TACR3: variants seen among roughly 807,000 people sequenced by gnomAD.
TACR3 encodes tachykinin receptor 3.
Under a neutral mutation model 35.0 loss-of-function variants are expected in TACR3, and 34 were observed. The observed-to-expected ratio is 0.97, with a 90% CI of 0.74 to 1.30. TACR3 has a LOEUF of 1.30. Ranked by LOEUF, TACR3 falls within the 50% of genes most tolerant of loss-of-function variation. The pLI is 0.00. For synonymous variants in TACR3, 233 were observed against 221.1 expected, an observed-to-expected ratio of 1.05 and a Z score of -0.48; for missense variants, 558 against 591.7, an observed-to-expected ratio of 0.94 and a Z score of 0.59.
intron 1 of TACR3, among the ~76,000 whole-genome samples, chr4:103,685,864 C>T (rs1215675309): frequency 6.6e-6 from 1 of 152,118 alleles, no homozygotes; most frequent in Non-Finnish European, 1.5e-5. Context: ...TCCCCAGGTC[C>T]ACAGTGTGAA....
Position 103,707,038 on chromosome 4 carries a change from G to A in TACR3, c.548+12090C>T, listed in dbSNP as rs149874940. 5.1e-4 allele frequency among the ~76,000 whole-genome samples: 78 copies of A among 152,244 alleles called. 1 individual carries two copies. The highest frequency in any genetic ancestry group is 6.9e-4 in the Non-Finnish European group (47 of 68,018). Reference sequence around the variant, plus strand: ...TACATGTTTAGTACCTGAAAATGTCGTTCACTGAGTTCCACTCTGGTACCA... The same window carrying A: ...TACATGTTTAGTACCTGAAAATGTCATTCACTGAGTTCCACTCTGGTACCA... On this transcript the variant is annotated intron_variant, in intron 1 of 4. Transcript: ENST00000304883.
intron 3 of TACR3, among the ~76,000 whole-genome samples, chr4:103,592,857 T>C (rs1723924616): frequency 6.6e-6 from 1 of 152,116 alleles, no homozygotes; most frequent in African/African-American, 2.4e-5. Context: ...AGGCAAAGCA[T>C]GAAATGGATC....
chr4:103,709,294 T>G (rs1722881196), intron 1 of TACR3, among the ~76,000 whole-genome samples: 1 of 152,190 alleles, frequency 6.6e-6, no homozygotes, highest in Admixed American at 6.5e-5. Flanking sequence ...CCCATCAGAC[T>G]AACAGCGGAT....
chr4:103,600,440 T>G (rs1724168299), intron 3 of TACR3, among the ~76,000 whole-genome samples: 1 of 152,194 alleles, frequency 6.6e-6, no homozygotes, highest in Non-Finnish European at 1.5e-5. Context: ...TTTGAAGGGT[T>G]TTTTGTGTCT....
intron 4 of TACR3, 112 bp from the exon 5 acceptor site, chr4:103,590,106 T>A: frequency 7.2e-7 from 1 of 1,388,932 alleles, no homozygotes; most frequent in Non-Finnish European, 9.9e-7. Flanking sequence ...GTTTTTGAGT[T>A]TGGTTTTTAG....
intron 1 of TACR3, among the ~76,000 whole-genome samples, chr4:103,704,613 T>G (rs900055590): frequency 6.6e-6 from 1 of 152,156 alleles, no homozygotes; most frequent in Non-Finnish European, 1.5e-5. Flanking sequence ...TCACTCACTA[T>G]AGTAAGAACA....
At chr4:103,631,094 G>C (rs1481043303) in intron 3 of TACR3, among the ~76,000 whole-genome samples, 1 of 152,046 alleles carries the variant, frequency 6.6e-6, no homozygotes, top group African/African-American at 2.4e-5. Context: ...ACCAAACACG[G>C]CATGTTCTCA....
chr4:103,717,544 A>G (rs1167784115), intron 1 of TACR3, among the ~76,000 whole-genome samples: 1 of 152,204 alleles, frequency 6.6e-6, no homozygotes, highest in African/African-American at 2.4e-5. Context: ...TCCCCTTCAA[A>G]TTGAAATACA....
At position 103,658,389 on chromosome 4, in the gene TACR3, A is replaced by G. The variant is rs762563008; in HGVS notation, c.563T>C (p.Ile188Thr). ...AGACAGTCTGGGTTTCAAGGGATCAATAATAGCCATATACCTATATAAAAA... is the reference window on the plus strand; with the variant it reads ...AGACAGTCTGGGTTTCAAGGGATCAGTAATAGCCATATACCTATATAAAAA... ...AIAVDRYMAIIDPLKPRLSAT... is the reference protein window; with the variant it reads ...AIAVDRYMAITDPLKPRLSAT... Residue 188 changes from isoleucine to threonine, a missense_variant, in exon 2 of 5, where the codon ATT (isoleucine) becomes ACT (threonine). Coordinates refer to ENST00000304883, the MANE Select transcript of TACR3 (RefSeq NM_001059.3). 3 of 1,613,490 alleles carry G rather than the reference A, an allele frequency of 1.9e-6. No individual in the cohort carries two copies. Among genetic ancestry groups the G allele is most frequent in the African/African-American group, 1.3e-5 (1 of 74,922 alleles).
At chr4:103,621,378 G>A (rs1406144561) in intron 3 of TACR3, among the ~76,000 whole-genome samples, 6 of 152,148 alleles carry the variant, frequency 3.9e-5, no homozygotes, top group African/African-American at 1.4e-4. Context: ...GCCAATATGT[G>A]TTTACAGGTC....
chr4:103,688,051 T>C (rs977179452), intron 1 of TACR3, among the ~76,000 whole-genome samples: 7 of 152,070 alleles, frequency 4.6e-5, no homozygotes, highest in Admixed American at 1.3e-4. Context: ...AAAACAGAGA[T>C]ATAGATCAAT....
intron 3 of TACR3, among the ~76,000 whole-genome samples, chr4:103,642,352 G>A (rs1324651221): frequency 7.1e-6 from 1 of 141,078 alleles, no homozygotes; most frequent in African/African-American, 2.9e-5. Context: ...TAAAAAATGA[G>A]TAAAAATAGA....
In TACR3 at chr4:103,656,399, G is replaced by A. The variant is rs1391175696; in HGVS notation, c.738-55C>T. 1.0e-5 allele frequency: 16 copies of A among 1,550,674 alleles called. No individual in the cohort carries two copies. In the East Asian group the frequency reaches 3.6e-4, roughly 35 times the overall value. The stretch of plus-strand genomic sequence containing the variant: ...AGACCTTATTGGAATGAAATATTGG[G>A]GACTGAATTGGCTCAGCTTTAAATC... On this transcript the variant is annotated intron_variant, in intron 2 of 4. Coordinates refer to ENST00000304883, the MANE Select transcript of TACR3 (RefSeq NM_001059.3).
At chr4:103,686,240 G>A (rs899111080) in intron 1 of TACR3, among the ~76,000 whole-genome samples, 1 of 152,160 alleles carries the variant, frequency 6.6e-6, no homozygotes, top group Non-Finnish European at 1.5e-5. Flanking sequence ...GGATGAATGT[G>A]AGGCAGACTT....
chr4:103,631,916 A>G (rs1476790652), intron 3 of TACR3, among the ~76,000 whole-genome samples: 2 of 152,198 alleles, frequency 1.3e-5, no homozygotes, highest in Non-Finnish European at 1.5e-5. Flanking sequence ...TATCATTTCA[A>G]TTCAACCTAT....
chr4:103,603,045 G>C (rs755429106), intron 3 of TACR3, among the ~76,000 whole-genome samples: 1 of 152,234 alleles, frequency 6.6e-6, no homozygotes, highest in African/African-American at 2.4e-5. Context: ...TGCCCAGTTC[G>C]AGCTTCCTGT....
At chr4:103,665,740 A>G (rs1196696978) in intron 1 of TACR3, among the ~76,000 whole-genome samples, 1 of 152,160 alleles carries the variant, frequency 6.6e-6, no homozygotes, top group Non-Finnish European at 1.5e-5. Flanking sequence ...TTGGGGCTTT[A>G]GTGTGATGGC....
chr4:103,610,508 C>T (rs1051936373), intron 3 of TACR3, among the ~76,000 whole-genome samples: 2 of 151,820 alleles, frequency 1.3e-5, no homozygotes, highest in Non-Finnish European at 2.9e-5. Context: ...GTTTGAGTTC[C>T]TTATATAGTC....
chr4:103,684,639 A>C (rs566643508), intron 1 of TACR3, among the ~76,000 whole-genome samples: 1 of 152,152 alleles, frequency 6.6e-6, no homozygotes, highest in South Asian at 2.1e-4. Context: ...ACTGATCTAC[A>C]TATTTAATGC....
Sources: allele counts gnomAD v4.1 joint callset (sites outside exome capture counted in the v4.1 genomes callset), GRCh38; gene constraint gnomAD v4.1.1; transcripts MANE v1.5; gene names NCBI Gene and HGNC (gene_info 2026-07-23, HGNC 2026-07-21).